Variants in TRDN observed in about 807,000 individuals in gnomAD.
TRDN encodes triadin.
TRDN carries 161 observed loss-of-function variants against 149.7 expected under a neutral mutation model. The ratio of observed to expected loss-of-function variants is 1.08; its 90% CI spans 0.95 to 1.23. The LOEUF (loss-of-function observed/expected upper bound fraction) is 1.23. Among genes scored for constraint, TRDN ranks in the 50% most tolerant of loss-of-function variants. The probability of loss-of-function intolerance (pLI) is 0.00; values close to 1 mark genes in which losing one functional copy is unlikely to be tolerated. For missense variants in TRDN, 896 were observed against 823.5 expected (o/e 1.09, Z -1.08); for synonymous variants, 294 against 250.5 (o/e 1.17, Z -1.64).
At chr6:123,598,910 C>A (rs141624856) in intron 1 of TRDN, among the ~76,000 whole-genome samples, 1 of 152,098 alleles carries the variant, frequency 6.6e-6, no homozygotes, top group African/African-American at 2.4e-5. Context: ...ATGAATCAGG[C>A]ATAGGAGAGG....
chr6:123,433,143 AATATATATATATATATATAATATATAT>A (rs138197504), intron 12 of TRDN, among the ~76,000 whole-genome samples: 19,266 of 96,418 alleles, frequency 0.2, 2,150 homozygotes, highest in South Asian at 0.43. Flanking sequence ...ACACATCATA[AATATATATATATATATATAATATATAT>A]ATATATATAT....
At chr6:123,449,549 C>T (rs987524065) in intron 10 of TRDN, among the ~76,000 whole-genome samples, 2 of 152,088 alleles carry the variant, frequency 1.3e-5, no homozygotes, top group African/African-American at 2.4e-5. Flanking sequence ...ATGAACAAAG[C>T]TTCCAAGAAG....
intron 1 of TRDN, among the ~76,000 whole-genome samples, chr6:123,579,560 T>G (rs1783018142): frequency 6.6e-6 from 1 of 152,184 alleles, no homozygotes; most frequent in African/African-American, 2.4e-5. Context: ...TGTTGAGGAT[T>G]TTTGCATCAA....
chr6:123,597,054 C>A (rs1006519064), intron 1 of TRDN, among the ~76,000 whole-genome samples: 4 of 152,008 alleles, frequency 2.6e-5, no homozygotes, highest in African/African-American at 9.7e-5. Flanking sequence ...TTTCTTGGAT[C>A]TAAATGAAGC....
At chr6:123,417,883 A>G (rs1259239239) in intron 12 of TRDN, among the ~76,000 whole-genome samples, 3 of 152,178 alleles carry the variant, frequency 2.0e-5, no homozygotes, top group Non-Finnish European at 4.4e-5. Context: ...TCCACCTCTG[A>G]GACCAATAAC....
rs1778806259 is a variant in TRDN at position 123,503,902 on chromosome 6, C to T, written c.611-1G>A. 1 of 1,551,076 alleles carries T rather than the reference C, an allele frequency of 6.4e-7. No individual in the cohort carries two copies. On this transcript the variant is annotated splice_acceptor_variant, in intron 7 of 40. Transcript: ENST00000334268. LOFTEE classifies it high-confidence loss of function. Reference sequence around the variant, plus strand: ...TCTGCAGTCTTAGCTTTCTTCTGTTCTGTATAAAGTTAAAAGATGTTGAAA... The same window carrying T: ...TCTGCAGTCTTAGCTTTCTTCTGTTTTGTATAAAGTTAAAAGATGTTGAAA...
At chr6:123,576,105 G>T (rs1050936753) in intron 1 of TRDN, among the ~76,000 whole-genome samples, 1 of 152,076 alleles carries the variant, frequency 6.6e-6, no homozygotes, top group Non-Finnish European at 1.5e-5. Flanking sequence ...CATTATATGT[G>T]TTATTCCCAA....
intron 9 of TRDN, among the ~76,000 whole-genome samples, chr6:123,494,576 G>A (rs965321054): frequency 6.6e-6 from 1 of 152,162 alleles, no homozygotes; most frequent in Non-Finnish European, 1.5e-5. Context: ...AATAATGCAT[G>A]TTAGTCATTT....
intron 38 of TRDN, among the ~76,000 whole-genome samples, chr6:123,225,121 G>T (rs894973932): frequency 5.8e-5 from 8 of 138,784 alleles, no homozygotes; most frequent in African/African-American, 2.0e-4. Context: ...ATGACCAACA[G>T]GCACGTGGAA....
At chr6:123,268,107 G>A (rs1777077106) in intron 31 of TRDN, among the ~76,000 whole-genome samples, 1 of 151,954 alleles carries the variant, frequency 6.6e-6, no homozygotes, top group South Asian at 2.1e-4. Context: ...TTTAGTGGAT[G>A]GTATTTGTCT....
At position 123,438,938 on chromosome 6, in the gene TRDN, TCCTA is replaced by T. The variant is rs778558345; in HGVS notation, c.991+2_991+5del. 6.4e-7 allele frequency: 1 copy of T among 1,556,090 alleles called. No individual in the cohort carries two copies. The highest frequency in any genetic ancestry group is 1.2e-5 in the South Asian group (1 of 83,604). On this transcript the variant is annotated splice_donor_variant and splice_donor_5th_base_variant and intron_variant, in intron 11 of 40. Transcript: ENST00000334268. LOFTEE classifies it high-confidence loss of function. ...TTATGTGGTACATGGCTTTTAAATT[TCCTA>T]CCTTTCTTTTTTGTTTCAGAAGTAA...
At chr6:123,331,072 T>C (rs1779643084) in intron 23 of TRDN, among the ~76,000 whole-genome samples, 1 of 152,120 alleles carries the variant, frequency 6.6e-6, no homozygotes. Flanking sequence ...CTCATTAATA[T>C]GGGCACAATG....
chr6:123,410,230 C>T (rs912873033), intron 12 of TRDN, among the ~76,000 whole-genome samples: 1 of 152,128 alleles, frequency 6.6e-6, no homozygotes, highest in African/African-American at 2.4e-5. Flanking sequence ...TAATGATGAC[C>T]TGAACTAAGA....
chr6:123,248,552 A>C (rs560662393), intron 38 of TRDN, among the ~76,000 whole-genome samples: 1 of 151,906 alleles, frequency 6.6e-6, no homozygotes, highest in South Asian at 2.1e-4. Context: ...GTGAGACTCC[A>C]TCTCAAAAAA....
intron 38 of TRDN, among the ~76,000 whole-genome samples, chr6:123,242,385 A>T (rs2114547264): frequency 6.6e-6 from 1 of 152,206 alleles, no homozygotes; most frequent in African/African-American, 2.4e-5. Flanking sequence ...AATATAATAA[A>T]ATCTCACACA....
chr6:123,636,634 C>T, intron 1 of TRDN, 120 bp downstream of exon 1: 1 of 1,168,540 alleles, frequency 8.6e-7, no homozygotes, highest in Non-Finnish European at 1.2e-6. Flanking sequence ...TGTATAGAAT[C>T]ATTGACCAAG....
At chr6:123,266,111 GTATTATA>G (rs1420266295) in intron 32 of TRDN, among the ~76,000 whole-genome samples, 1 of 118,302 alleles carries the variant, frequency 8.5e-6, no homozygotes, top group Non-Finnish European at 1.6e-5. Context: ...TATATCATAT[GTATTATA>G]TATTATATAT....
chr6:123,537,086 ATAAG>A (rs1267901383), intron 4 of TRDN, among the ~76,000 whole-genome samples: 1 of 152,170 alleles, frequency 6.6e-6, no homozygotes, highest in Admixed American at 6.5e-5. Context: ...TAGATAAACT[ATAAG>A]TAAGTATATT....
chr6:123,253,740 C>A (rs899074677), intron 37 of TRDN, among the ~76,000 whole-genome samples: 4 of 152,138 alleles, frequency 2.6e-5, no homozygotes, highest in Non-Finnish European at 4.4e-5. Flanking sequence ...ACGATAGATT[C>A]ACAGAACAGA....
Sources: gnomAD v4.1 joint callset for allele counts (sites outside exome capture counted in the v4.1 genomes callset) on GRCh38, gnomAD v4.1.1 for gene constraint, MANE v1.5 for transcripts, NCBI Gene and HGNC (gene_info 2026-07-23, HGNC 2026-07-21) for gene names.